Variants in ARHGAP19 observed in about 807,000 individuals in gnomAD.
ARHGAP19 encodes the protein Rho GTPase activating protein 19, also known as rho GTPase-activating protein 19.
ARHGAP19 carries 48 observed loss-of-function variants against 60.9 expected under a neutral mutation model. The ratio of observed to expected loss-of-function variants is 0.79; its 90% confidence interval spans 0.62 to 1.00. The LOEUF (loss-of-function observed/expected upper bound fraction) is 1.00, where lower values mean the gene tolerates loss of function less well. Among genes scored for constraint, ARHGAP19 ranks in the 50% least tolerant of loss-of-function variants. The pLI is 0.00. For synonymous variants in ARHGAP19, 209 were observed against 215.5 expected (o/e 0.97, Z 0.27); for missense variants, 562 against 597.2 (o/e 0.94, Z 0.61).
chr10:97,248,264 AT>A (rs1327768127), intron 6 of ARHGAP19, among the ~76,000 whole-genome samples: 3 of 152,126 alleles, frequency 2.0e-5, no homozygotes, highest in Non-Finnish European at 4.4e-5. Flanking sequence ...AAATACAAAA[AT>A]TAGCCGGGTG....
chr10:97,242,838 C>T (rs927788170), intron 8 of ARHGAP19, among the ~76,000 whole-genome samples: 1 of 151,666 alleles, frequency 6.6e-6, no homozygotes, highest in Non-Finnish European at 1.5e-5. Flanking sequence ...TTAGTAGAGA[C>T]GGGGTTTCTC....
rs1444225108 is a variant in ARHGAP19 at position 97,229,846 on chromosome 10, G to A, written c.1313C>T (p.Ser438Leu). The A allele has an allele frequency of 1.2e-6, 2 of 1,611,792 alleles. No homozygotes were observed. Among genetic ancestry groups the A allele is most frequent in the Admixed American group, 3.3e-5 (2 of 59,730 alleles). Reference protein sequence around the residue: ...KRKVLGNQMMSEKKKKNPTPE... With the variant: ...KRKVLGNQMMLEKKKKNPTPE... Reference sequence around the variant, plus strand: ...AGTAGGGTTCTTCTTTTTCTTTTCTGACATCATCTGATTTCCCAGGACCTT... The same window carrying A: ...AGTAGGGTTCTTCTTTTTCTTTTCTAACATCATCTGATTTCCCAGGACCTT... Residue 438 changes from serine (S) to leucine (L), a missense_variant, in exon 10 of 12, where the codon TCA becomes TTA. Coordinates refer to ENST00000358531, the MANE Select transcript of ARHGAP19 (RefSeq NM_032900.6).
At chr10:97,271,290 A>AT (rs1250240386) in intron 1 of ARHGAP19, among the ~76,000 whole-genome samples, 1 of 152,080 alleles carries the variant, frequency 6.6e-6, no homozygotes, top group Non-Finnish European at 1.5e-5. Context: ...TATTTTCTGG[A>AT]TTTTATATTC....
At chr10:97,270,142 T>C (rs937074948) in intron 1 of ARHGAP19, among the ~76,000 whole-genome samples, 3 of 152,216 alleles carry the variant, frequency 2.0e-5, no homozygotes, top group Non-Finnish European at 4.4e-5. Context: ...ATAAGTAACA[T>C]GTAAACAATC....
At chr10:97,260,488 C>A (rs1253348252) in intron 4 of ARHGAP19, among the ~76,000 whole-genome samples, 2 of 151,816 alleles carry the variant, frequency 1.3e-5, no homozygotes, top group Non-Finnish European at 2.9e-5. Flanking sequence ...CGAGATCATG[C>A]CCCTGCACTC....
chr10:97,255,980 AC>A (rs1250497640), intron 6 of ARHGAP19, among the ~76,000 whole-genome samples: 2 of 152,016 alleles, frequency 1.3e-5, no homozygotes, highest in Non-Finnish European at 2.9e-5. Flanking sequence ...GTACAAAATG[AC>A]CCCCAAAATT....
At chr10:97,291,718 G>A (rs1843235010) in intron 1 of ARHGAP19, among the ~76,000 whole-genome samples, 1 of 152,198 alleles carries the variant, frequency 6.6e-6, no homozygotes, top group African/African-American at 2.4e-5. Flanking sequence ...GGAACCAAAA[G>A]ACGCCAAACC....
chr10:97,239,553 T>A (rs201568195), intron 8 of ARHGAP19, among the ~76,000 whole-genome samples: 1 of 10,276 alleles, frequency 9.7e-5, no homozygotes, highest in East Asian at 8.9e-3. Context: ...AGAGAGAGGG[T>A]GTGTGTGTGT....
intron 1 of ARHGAP19, among the ~76,000 whole-genome samples, chr10:97,290,088 C>T (rs908446721): frequency 1.3e-5 from 2 of 151,946 alleles, no homozygotes; most frequent in African/African-American, 4.8e-5. Flanking sequence ...GAGTGGAAAA[C>T]TCGGGCAACC....
At chr10:97,246,826 C>A (rs561658208) in intron 6 of ARHGAP19, among the ~76,000 whole-genome samples, 3 of 151,432 alleles carry the variant, frequency 2.0e-5, no homozygotes, top group East Asian at 2.0e-4. Flanking sequence ...CACAGGGAGA[C>A]CCCCAACTCT....
At chr10:97,288,438 A>C (rs1324466177) in intron 1 of ARHGAP19, among the ~76,000 whole-genome samples, 1 of 151,434 alleles carries the variant, frequency 6.6e-6, no homozygotes, top group Admixed American at 6.6e-5. Flanking sequence ...AAATTAGTTG[A>C]GCGTGCTGGC....
intron 11 of ARHGAP19, among the ~76,000 whole-genome samples, 173 bp from the exon 12 acceptor site, chr10:97,226,305 C>T (rs978151429): frequency 1.3e-5 from 2 of 152,138 alleles, no homozygotes; most frequent in African/African-American, 2.4e-5. Flanking sequence ...GATATAATCT[C>T]GTTCATTAAA....
chr10:97,291,906 C>G (rs1177235515), intron 1 of ARHGAP19, among the ~76,000 whole-genome samples: 1 of 152,114 alleles, frequency 6.6e-6, no homozygotes, highest in Non-Finnish European at 1.5e-5. Flanking sequence ...AAAGAACATC[C>G]TGTGGAAATA....
intron 6 of ARHGAP19, among the ~76,000 whole-genome samples, chr10:97,254,420 A>G (rs1842727479): frequency 6.6e-6 from 1 of 152,234 alleles, no homozygotes; most frequent in Admixed American, 6.5e-5. Context: ...TAAGAGGACC[A>G]AGACCAATGG....
rs138426098 is a variant in ARHGAP19 at position 97,257,330 on chromosome 10, C to CAGATTGG, written c.841-933_841-927dup. Among the ~76,000 whole-genome samples, 1,339 of 140,544 alleles carry CAGATTGG rather than the reference C, an allele frequency of 9.5e-3. 26 individuals carry two copies. The highest frequency in any genetic ancestry group is 0.034 in the African/African-American group (1,279 of 37,846). 92.2% of individuals were successfully genotyped at this position (140,544 alleles called of 152,430 possible). A position where few individuals can be genotyped will look rare whatever the true frequency, so the allele number is the denominator to read the frequency against. ...AGAGATAGGGTCTCGCTTTGTTACC[C>CAGATTGG]AGATTGGAGTACAGTGGTGCAATCA... On this transcript the variant is annotated intron_variant, in intron 5 of 11. Transcript: ENST00000358531.
At chr10:97,229,359 T>A in intron 10 of ARHGAP19, 134 bp from the exon 11 acceptor site, 1 of 744,686 alleles carries the variant, frequency 1.3e-6, no homozygotes, top group Non-Finnish European at 2.3e-6. Context: ...TATATCTCAT[T>A]AATCTTAACT....
chr10:97,274,651 AT>A (rs903583858), intron 1 of ARHGAP19, among the ~76,000 whole-genome samples: 70 of 152,058 alleles, frequency 4.6e-4, no homozygotes, highest in African/African-American at 1.6e-3. Context: ...TTCATGACAA[AT>A]TTTTTTTAAA....
chr10:97,259,684 A>C lies in ARHGAP19; in HGVS notation c.614-56T>G, dbSNP rs1023437549. ...GGAGAAAATATCAGCAAGAAAAATC[A>C]GTGCTATCACCATTATCCTCCCCTC... On this transcript the variant is annotated intron_variant, in intron 4 of 11. Transcript: ENST00000358531. The C allele has an allele frequency of 2.3e-6, 3 of 1,307,906 alleles. No individual in the cohort carries two copies. In the African/African-American group the frequency reaches 4.4e-5, roughly 19 times the overall value. The allele number at this position is 1,307,906 out of a possible 1,614,324, so 81.0% of individuals were successfully genotyped here.
intron 1 of ARHGAP19, among the ~76,000 whole-genome samples, chr10:97,282,536 T>C (rs1437937412): frequency 2.0e-5 from 3 of 151,618 alleles, no homozygotes; most frequent in Non-Finnish European, 4.4e-5. Flanking sequence ...TCCTAACAAA[T>C]ATGAATGTGT....
Sources: allele counts gnomAD v4.1 joint callset (sites outside exome capture counted in the v4.1 genomes callset), GRCh38; gene constraint gnomAD v4.1.1; transcripts MANE v1.5; gene names NCBI Gene and HGNC (gene_info 2026-07-23, HGNC 2026-07-21).